Variants in DMD observed in about 807,000 individuals in gnomAD.
DMD encodes dystrophin.
DMD carries 63 observed loss-of-function variants against 330.1 expected under a neutral mutation model. That is an observed-to-expected ratio of 0.19 (90% CI 0.16 to 0.24). DMD has a LOEUF of 0.24. Ranked by LOEUF, DMD falls within the 10% of genes least tolerant of loss-of-function variation. The pLI, the probability that DMD is intolerant of heterozygous loss-of-function variation, is 1.00. For missense variants in DMD, 3,344 were observed against 2,684.1 expected (o/e 1.25, Z -5.43); for synonymous variants, 1,223 against 959.8 (o/e 1.27, Z -5.07).
chrX:33,038,153 T>G (rs2094236473), intron 1 of DMD, among the ~76,000 whole-genome samples: 1 of 112,207 alleles, frequency 8.9e-6, no homozygotes, highest in African/African-American at 3.2e-5. Flanking sequence ...ATTTCATATT[T>G]CAATATCCCC....
intron 50 of DMD, among the ~76,000 whole-genome samples, chrX:31,815,806 A>G (rs188340749): frequency 3.2e-4 from 36 of 111,735 alleles, no homozygotes; most frequent in Middle Eastern, 4.6e-3. Flanking sequence ...ACTTAGCAGA[A>G]GTAACCTACA....
In DMD at chrX:33,154,270, G is replaced by A. The variant is rs190648012; in HGVS notation, c.31+57012C>T. Among the ~76,000 whole-genome samples, 689 of 110,842 alleles carry A rather than the reference G, an allele frequency of 6.2e-3. 7 individuals carry two copies. The highest frequency in any genetic ancestry group is 0.021 in the African/African-American group (654 of 30,537). Reference sequence around the variant, plus strand: ...AAATTAGCCAGGCGTGGTGGTGGGCGCCTGTAATCCCAGCTACTTAGGAGG... The same window carrying A: ...AAATTAGCCAGGCGTGGTGGTGGGCACCTGTAATCCCAGCTACTTAGGAGG... On this transcript the variant is annotated intron_variant, in intron 1 of 78. Coordinates refer to ENST00000357033, the MANE Select transcript of DMD (RefSeq NM_004006.3).
At chrX:33,098,071 T>C (rs1000230341) in intron 1 of DMD, among the ~76,000 whole-genome samples, 2 of 111,988 alleles carry the variant, frequency 1.8e-5, no homozygotes, top group Admixed American at 1.9e-4. Context: ...TACCTAGTTA[T>C]TTACTCTGGT....
chrX:32,768,045 A>C (rs868717932), intron 7 of DMD, among the ~76,000 whole-genome samples: 1 of 112,374 alleles, frequency 8.9e-6, no homozygotes, highest in Non-Finnish European at 1.9e-5. Flanking sequence ...TCAACTAAAA[A>C]TATTCTGTCA....
At chrX:31,836,940 G>T in intron 48 of DMD, 121 bp from the exon 49 acceptor site, 1 of 576,137 alleles carries the variant, frequency 1.7e-6, no homozygotes, top group Non-Finnish European at 2.8e-6. Context: ...TGGTACATAA[G>T]GGCACAAAAA....
At chrX:33,010,292 A>G (rs888393899) in intron 2 of DMD, among the ~76,000 whole-genome samples, 8 of 90,593 alleles carry the variant, frequency 8.8e-5, no homozygotes, top group East Asian at 3.8e-4. Context: ...ATATGTGTGT[A>G]AATATGTATA....
intron 59 of DMD, among the ~76,000 whole-genome samples, chrX:31,456,878 A>G (rs189208426): frequency 0.093 from 5,833 of 62,895 alleles, 322 homozygotes; most frequent in African/African-American, 0.28. Flanking sequence ...GTGTGTGTGT[A>G]TATATATATA....
rs777442679 is a variant in DMD at position 32,062,137 on chromosome X, G to A, written c.6439-93623C>T. Among the ~76,000 whole-genome samples, 3 of 111,200 alleles carry A rather than the reference G, an allele frequency of 2.7e-5. No individual in the cohort carries two copies. The South Asian group carries it at 1.1e-3, about 42-fold the overall frequency. ...CAACTGAAACTGATAGCTGATTACA[G>A]TGTTCCTGCTTTGTTGATATTTATA... is the stretch of plus-strand genomic sequence containing the variant. On this transcript the variant is annotated intron_variant, in intron 44 of 78. Coordinates refer to ENST00000357033, the MANE Select transcript of DMD (RefSeq NM_004006.3).
chrX:32,205,010 TAC>T lies in DMD; in HGVS notation c.6438+11904_6438+11905del, dbSNP rs57507348. The stretch of plus-strand genomic sequence containing the variant: ...TCTCTCTCTCTCTCTCTCTCTCACA[TAC>T]ACACACACACACACACACACACACA... On this transcript the variant is annotated intron_variant, in intron 44 of 78. Coordinates refer to ENST00000357033, the MANE Select transcript of DMD (RefSeq NM_004006.3). Among the ~76,000 whole-genome samples, 252 of 53,014 alleles carry T rather than the reference TAC, an allele frequency of 4.8e-3. 1 individual carries two copies. The highest frequency in any genetic ancestry group is 0.012 in the Admixed American group (45 of 3,717). 46.0% of individuals were successfully genotyped at this position (53,014 alleles called of 115,157 possible). A position where few individuals can be genotyped will look rare whatever the true frequency, so the allele number is the denominator to read the frequency against.
chrX:32,649,101 G>A (rs1393012005), intron 9 of DMD, among the ~76,000 whole-genome samples: 2 of 109,545 alleles, frequency 1.8e-5, no homozygotes, highest in African/African-American at 6.6e-5. Context: ...GTGAATGGAT[G>A]AAACGATTCT....
intron 2 of DMD, among the ~76,000 whole-genome samples, chrX:32,914,346 T>C (rs1360717301): frequency 8.9e-6 from 1 of 111,910 alleles, no homozygotes; most frequent in East Asian, 2.8e-4. Context: ...GTCAGCTCGG[T>C]ACAGACCAGA....
rs1491368876 is a variant in DMD, at chrX:31,284,863, C to CA, written c.9225-23848_9225-23847insT. Among the ~76,000 whole-genome samples, 548 of 100,449 alleles carry CA rather than the reference C, an allele frequency of 5.5e-3. 2 individuals carry two copies. The highest frequency in any genetic ancestry group is 9.2e-3 in the Non-Finnish European group (454 of 49,320). 87.2% of individuals were successfully genotyped at this position (100,449 alleles called of 115,157 possible). ...ACACACACACACACACACACACACACCCACACCCACACACGCAAAGTATGT... is the reference window on the plus strand; with the variant it reads ...ACACACACACACACACACACACACACACCACACCCACACACGCAAAGTATGT... On this transcript the variant is annotated intron_variant, in intron 62 of 78. Transcript: ENST00000357033.
intron 63 of DMD, among the ~76,000 whole-genome samples, chrX:31,228,206 T>G (rs1481490849): frequency 9.8e-6 from 1 of 101,596 alleles, no homozygotes; most frequent in African/African-American, 3.7e-5. Context: ...TGTATACATA[T>G]GTAACTAACC....
intron 12 of DMD, among the ~76,000 whole-genome samples, chrX:32,598,574 T>C (rs1352042847): frequency 1.8e-5 from 2 of 112,300 alleles, no homozygotes; most frequent in Non-Finnish European, 3.8e-5. Context: ...CATTTTTACA[T>C]GTAAATTGCT....
At chrX:32,515,530 G>C (rs1273781294) in intron 18 of DMD, among the ~76,000 whole-genome samples, 1 of 111,242 alleles carries the variant, frequency 9.0e-6, no homozygotes, top group African/African-American at 3.3e-5. Context: ...AAATCCCCTT[G>C]TGATCAAAGG....
At chrX:32,942,331 T>C (rs1215594101) in intron 2 of DMD, among the ~76,000 whole-genome samples, 3 of 111,680 alleles carry the variant, frequency 2.7e-5, no homozygotes, top group Non-Finnish European at 3.8e-5. Context: ...TCACCTGAGG[T>C]CAGGAGTTTG....
chrX:32,611,956 T>C (rs981794245), intron 12 of DMD, among the ~76,000 whole-genome samples: 1 of 111,937 alleles, frequency 8.9e-6, no homozygotes, highest in African/African-American at 3.2e-5. Flanking sequence ...AATGACAATT[T>C]AGTTAGTGGT....
rs201427992 is a variant in DMD at position 33,022,565 on chromosome X, GTAT to G, written c.32-2368_32-2366del. 8.0e-3 allele frequency among the ~76,000 whole-genome samples: 881 copies of G among 110,028 alleles called. 1 individual carries two copies. Among genetic ancestry groups the G allele is most frequent in the Middle Eastern group, 0.014 (3 of 207 alleles). ...ATAATAATTATTAATACAATTAATT[GTAT>G]TATTATTATAAAATACATAACAATT... On this transcript the variant is annotated intron_variant, in intron 1 of 78. Coordinates refer to ENST00000357033, the MANE Select transcript of DMD (RefSeq NM_004006.3).
Position 32,644,277 on chromosome X carries a change from C to A in DMD, c.1186G>T (p.Val396Phe), listed in dbSNP as rs1293279118. Residue 396 changes from valine to phenylalanine, a missense_variant, in exon 11 of 79, where the codon GTT becomes TTT. Transcript: ENST00000357033. ...MMDLTAHQGR[V>F]GNILQLGSKL... ...CTTCCCAATTGTAGAATATTACCAA[C>A]CCGGCCCTGATGGGCTGTCAAATCC... 8.3e-7 allele frequency: 1 copy of A among 1,211,095 alleles called. No homozygotes were observed. Among genetic ancestry groups the A allele is most frequent in the Non-Finnish European group, 1.1e-6 (1 of 895,248 alleles).
Sources: gnomAD v4.1 joint callset for allele counts (sites outside exome capture counted in the v4.1 genomes callset) on GRCh38, gnomAD v4.1.1 for gene constraint, MANE v1.5 for transcripts, NCBI Gene and HGNC (gene_info 2026-07-23, HGNC 2026-07-21) for gene names.